Variants in CCDC39 observed in about 807,000 individuals in gnomAD.
CCDC39 encodes the protein coiled-coil domain 39 molecular ruler complex subunit.
Under a neutral mutation model 121.0 loss-of-function variants are expected in CCDC39, and 113 were observed. That is an observed-to-expected ratio of 0.93 (90% CI 0.80 to 1.09). The LOEUF (loss-of-function observed/expected upper bound fraction) is 1.09, where lower values mean the gene tolerates loss of function less well. Among genes scored for constraint, CCDC39 ranks in the 50% least tolerant of loss-of-function variants. The probability of loss-of-function intolerance (pLI) is 0.00; values close to 1 mark genes in which losing one functional copy is unlikely to be tolerated. For synonymous variants in CCDC39, 349 were observed against 352.2 expected, an observed-to-expected ratio of 0.99 and a Z score of 0.10; for missense variants, 1,063 against 1,074.7, an observed-to-expected ratio of 0.99 and a Z score of 0.15.
intron 2 of CCDC39, 97 bp from the exon 3 acceptor site, chr3:180,662,104 A>G: frequency 1.7e-6 from 2 of 1,210,016 alleles, no homozygotes; most frequent in Non-Finnish European, 2.3e-6. Flanking sequence ...CAAAGTTCCC[A>G]TAAATTGCTT....
chr3:180,660,848 C>T, intron 3 of CCDC39, 120 bp from the exon 4 acceptor site: 1 of 727,046 alleles, frequency 1.4e-6, no homozygotes, highest in South Asian at 2.6e-5. Flanking sequence ...AATCCTGTCC[C>T]TGCCTTCCAG....
intron 1 of CCDC39, among the ~76,000 whole-genome samples, chr3:180,677,165 ATTT>A (rs1246281842): frequency 6.4e-5 from 3 of 46,758 alleles, no homozygotes; most frequent in African/African-American, 2.1e-4. Flanking sequence ...AATAATAATA[ATTT>A]TATATATATA....
chr3:180,641,499 A>G (rs1314976354), intron 13 of CCDC39, among the ~76,000 whole-genome samples: 1 of 152,130 alleles, frequency 6.6e-6, no homozygotes, highest in East Asian at 1.9e-4. Context: ...AATACAGTAT[A>G]TAGAAAATTA....
intron 1 of CCDC39, among the ~76,000 whole-genome samples, chr3:180,667,009 T>G (rs937409787): frequency 6.6e-6 from 1 of 151,724 alleles, no homozygotes; most frequent in African/African-American, 2.4e-5. Flanking sequence ...AAACATGCAA[T>G]GGAAAGATAA....
chr3:180,619,786 TAA>T, intron 15 of CCDC39, 23 bp downstream of exon 15: 2 of 1,414,464 alleles, frequency 1.4e-6, no homozygotes, highest in Non-Finnish European at 1.9e-6. Flanking sequence ...TATATATGTA[TAA>T]AAAAAAGTTA....
At chr3:180,644,304 C>A in intron 11 of CCDC39, 47 bp from the exon 12 acceptor site, 1 of 1,172,562 alleles carries the variant, frequency 8.5e-7, no homozygotes. Flanking sequence ...TAAATATTGA[C>A]AAAAATATTA....
intron 1 of CCDC39, among the ~76,000 whole-genome samples, chr3:180,665,418 G>C (rs142032430): frequency 6.6e-6 from 1 of 151,864 alleles, no homozygotes; most frequent in African/African-American, 2.4e-5. Flanking sequence ...ATCTCCTGAG[G>C]GTACACAACA....
chr3:180,663,686 T>A (rs568212399), intron 2 of CCDC39, among the ~76,000 whole-genome samples, 181 bp downstream of exon 2: 47 of 150,138 alleles, frequency 3.1e-4, no homozygotes, highest in African/African-American at 1.1e-3. Flanking sequence ...AAAAAAAAAA[T>A]TGGACCAGTA....
chr3:180,643,307 G>T (rs1157952580), intron 12 of CCDC39, among the ~76,000 whole-genome samples: 1 of 151,848 alleles, frequency 6.6e-6, no homozygotes, highest in East Asian at 1.9e-4. Flanking sequence ...ATTTATATAT[G>T]TAAACTTCCC....
intron 1 of CCDC39, among the ~76,000 whole-genome samples, chr3:180,677,155 AATAATAATAATTTTATATATATAT>A (rs1312773970): frequency 6.0e-4 from 63 of 104,600 alleles, no homozygotes; most frequent in African/African-American, 2.7e-3. Context: ...TAATAATAAT[AATAATAATAATTTTATATATATAT>A]ATATATATAT....
At chr3:180,639,169 T>C (rs934258332) in intron 13 of CCDC39, among the ~76,000 whole-genome samples, 2 of 152,132 alleles carry the variant, frequency 1.3e-5, no homozygotes, top group Admixed American at 6.6e-5. Context: ...TGTTTTTAGA[T>C]AGCCCACAAG....
At chr3:180,666,240 G>T (rs1468365958) in intron 1 of CCDC39, among the ~76,000 whole-genome samples, 3 of 151,986 alleles carry the variant, frequency 2.0e-5, no homozygotes, top group Non-Finnish European at 4.4e-5. Context: ...TTGTTTCTGG[G>T]TTATTCACTT....
intron 6 of CCDC39, among the ~76,000 whole-genome samples, chr3:180,656,961 C>G (rs1321845886): frequency 1.3e-5 from 2 of 152,190 alleles, no homozygotes; most frequent in Non-Finnish European, 2.9e-5. Context: ...TGGGCAACCA[C>G]CAGCCCTCAG....
At chr3:180,641,201 A>G (rs1046581625) in intron 13 of CCDC39, among the ~76,000 whole-genome samples, 2 of 152,054 alleles carry the variant, frequency 1.3e-5, no homozygotes, top group African/African-American at 2.4e-5. Flanking sequence ...GAAAGCATAT[A>G]ATAAAAGTCA....
chr3:180,663,627 G>A (rs1263123014), intron 2 of CCDC39, among the ~76,000 whole-genome samples: 6 of 149,552 alleles, frequency 4.0e-5, no homozygotes, highest in African/African-American at 4.9e-5. Context: ...CTGAGATCAC[G>A]CCACTGTACT....
intron 6 of CCDC39, among the ~76,000 whole-genome samples, chr3:180,658,905 C>A (rs1711661261): frequency 6.6e-6 from 1 of 152,082 alleles, no homozygotes; most frequent in Non-Finnish European, 1.5e-5. Context: ...AATGATTTTC[C>A]AAAAACATTC....
intron 1 of CCDC39, among the ~76,000 whole-genome samples, chr3:180,675,113 A>G (rs1277351362): frequency 6.6e-6 from 1 of 151,994 alleles, no homozygotes; most frequent in African/African-American, 2.4e-5. Flanking sequence ...CTGGTCCTGG[A>G]CTTTTTTTGG....
At chr3:180,665,105 C>A (rs1711842063) in intron 1 of CCDC39, among the ~76,000 whole-genome samples, 1 of 152,158 alleles carries the variant, frequency 6.6e-6, no homozygotes, top group South Asian at 2.1e-4. Context: ...AGGCATCAAG[C>A]ATGATTTCTT....
At chr3:180,649,998 G>A (rs1718160786) in intron 9 of CCDC39, among the ~76,000 whole-genome samples, 1 of 152,134 alleles carries the variant, frequency 6.6e-6, no homozygotes, top group African/African-American at 2.4e-5. Context: ...AGCACACTGA[G>A]GAAGCTGGAT....
Sources: gnomAD v4.1 joint callset for allele counts (sites outside exome capture counted in the v4.1 genomes callset) on GRCh38, gnomAD v4.1.1 for gene constraint, MANE v1.5 for transcripts, NCBI Gene and HGNC (gene_info 2026-07-23, HGNC 2026-07-21) for gene names.